Variants in HHIPL2 observed in about 807,000 individuals in gnomAD.
HHIPL2 encodes HHIP like 2.
In HHIPL2, 61 loss-of-function variants were observed where a neutral mutation model predicts 61.0. That is an observed-to-expected ratio of 1.00 (90% confidence interval 0.81 to 1.24). The LOEUF (loss-of-function observed/expected upper bound fraction) is 1.24, where lower values mean the gene tolerates loss of function less well. HHIPL2 is among the 50% of genes most tolerant of loss of function. HHIPL2 has a pLI of 0.00. For synonymous variants in HHIPL2, 343 were observed against 357.4 expected, an observed-to-expected ratio of 0.96 and a Z score of 0.45; for missense variants, 885 against 910.2, an observed-to-expected ratio of 0.97 and a Z score of 0.36.
intron 6 of HHIPL2, among the ~76,000 whole-genome samples, chr1:222,530,560 T>A (rs1278915937): frequency 1.3e-5 from 2 of 152,182 alleles, no homozygotes; most frequent in Non-Finnish European, 2.9e-5. Context: ...CATCTCAAAC[T>A]ATCTGTTCAT....
At chr1:222,525,724 C>T (rs1423357572) in intron 7 of HHIPL2, among the ~76,000 whole-genome samples, 3 of 152,174 alleles carry the variant, frequency 2.0e-5, no homozygotes, top group African/African-American at 7.2e-5. Flanking sequence ...GGGCAGGGTG[C>T]ATGGTGGCAC....
intron 2 of HHIPL2, 39 bp from the exon 3 acceptor site, chr1:222,542,194 A>G: frequency 6.2e-7 from 1 of 1,605,438 alleles, no homozygotes; most frequent in Non-Finnish European, 8.5e-7. Flanking sequence ...AGGATTTGAC[A>G]CAAGCTGAAG....
intron 5 of HHIPL2, among the ~76,000 whole-genome samples, chr1:222,535,409 A>T (rs1255516045): frequency 6.6e-6 from 1 of 152,224 alleles, no homozygotes; most frequent in African/African-American, 2.4e-5. Flanking sequence ...TAACATTCTT[A>T]TTGCCACTGT....
At position 222,532,072 on chromosome 1, in the gene HHIPL2, TTTC is replaced by T. The variant is rs1659203982; in HGVS notation, c.1614_1616del (p.Lys539del). ...CCAGGCAAAGATCCTGCTTCTTCCA[TTTC>T]TTGTTTTTTCTATCTTCCTGCAAAG... On this transcript the variant is annotated inframe_deletion, in exon 6 of 9. Transcript: ENST00000343410. 6.2e-7 allele frequency: 1 copy of T among 1,613,814 alleles called. No individual in the cohort carries two copies. The highest frequency in any genetic ancestry group is 1.3e-5 in the African/African-American group (1 of 74,932).
At position 222,532,402 on chromosome 1, in the gene HHIPL2, C is replaced by T. The variant is rs145670159; in HGVS notation, c.1578-291G>A. Among the ~76,000 whole-genome samples the T allele has an allele frequency of 6.5e-3, 997 of 152,246 alleles. 16 individuals are homozygous for T. Among genetic ancestry groups the T allele is most frequent in the African/African-American group, 0.023 (948 of 41,532 alleles). Reference sequence around the variant, plus strand: ...ACAAGGCAGGCAGATCACTTGAGGTCAGGAGTTCACGACCAGCCTGGCCAA... The same window carrying T: ...ACAAGGCAGGCAGATCACTTGAGGTTAGGAGTTCACGACCAGCCTGGCCAA... On this transcript the variant is annotated intron_variant, in intron 5 of 8. Coordinates refer to ENST00000343410, the MANE Select transcript of HHIPL2 (RefSeq NM_024746.4).
intron 5 of HHIPL2, among the ~76,000 whole-genome samples, chr1:222,537,017 T>C (rs934208351): frequency 8.5e-5 from 13 of 152,120 alleles, no homozygotes; most frequent in African/African-American, 3.1e-4. Context: ...CCAGCTTGCA[T>C]AACAGAGCAA....
intron 6 of HHIPL2, among the ~76,000 whole-genome samples, chr1:222,530,608 G>C (rs1409314939): frequency 1.3e-5 from 2 of 152,156 alleles, no homozygotes; most frequent in Admixed American, 1.3e-4. Context: ...AGCTGACTGG[G>C]TCTCTTTATA....
At chr1:222,533,403 A>C (rs925636104) in intron 5 of HHIPL2, among the ~76,000 whole-genome samples, 13 of 151,992 alleles carry the variant, frequency 8.6e-5, no homozygotes, top group African/African-American at 2.9e-4. Context: ...AAGGAAAAAG[A>C]ATCACTGCAT....
In HHIPL2 at chr1:222,522,318, G is replaced by A. The variant is rs113675679; in HGVS notation, c.*283C>T. On this transcript the variant is annotated 3_prime_UTR_variant, in exon 9 of 9. Transcript: ENST00000343410. ...GTTGTAGGCATTTACAAGACAAAAC[G>A]GAGACATCCAGTGTGATTCCAAGCA... 11 of 434,782 alleles carry A rather than the reference G, an allele frequency of 2.5e-5. No individual in the cohort carries two copies. The highest frequency in any genetic ancestry group is 9.8e-5 in the South Asian group (2 of 20,426). The allele number at this position is 434,782 out of a possible 1,614,324, so 26.9% of individuals were successfully genotyped here.
chr1:222,542,620 T>G (rs1022706111), intron 2 of HHIPL2, among the ~76,000 whole-genome samples: 1 of 144,464 alleles, frequency 6.9e-6, no homozygotes, highest in African/African-American at 2.6e-5. Flanking sequence ...AACTTCTGCC[T>G]CCCAGGTTCA....
intron 3 of HHIPL2, among the ~76,000 whole-genome samples, chr1:222,541,803 G>T (rs1002688392): frequency 1.3e-5 from 2 of 152,130 alleles, no homozygotes; most frequent in Non-Finnish European, 2.9e-5. Context: ...ATAACACTCT[G>T]ACAGTTGTAT....
At chr1:222,528,754 TG>T (rs1471989221) in intron 6 of HHIPL2, among the ~76,000 whole-genome samples, 1 of 152,162 alleles carries the variant, frequency 6.6e-6, no homozygotes, top group African/African-American at 2.4e-5. Flanking sequence ...TGAAAGAAAA[TG>T]TCTATTAAGT....
chr1:222,540,172 C>T lies in HHIPL2; in HGVS notation c.1288G>A (p.Asp430Asn), dbSNP rs375762701. The part of the protein sequence containing the change: ...NMWRCAVDRG[D>N]PITRQGRGRI... ...CCTCGGCCCTGGCGCGTGATGGGGTCCCCTCGGTCCACAGCACAACGCCAC... is the reference window on the plus strand; with the variant it reads ...CCTCGGCCCTGGCGCGTGATGGGGTTCCCTCGGTCCACAGCACAACGCCAC... The change falls in exon 4 of 9, where the codon GAC becomes AAC. Residue 430 changes from aspartate to asparagine, a missense_variant. By Grantham distance (23) the Asp-to-Asn change is conservative. Coordinates refer to ENST00000343410, the MANE Select transcript of HHIPL2 (RefSeq NM_024746.4). 26 of 1,614,084 alleles carry T rather than the reference C, an allele frequency of 1.6e-5. No homozygotes were observed. Among genetic ancestry groups the T allele is most frequent in the African/African-American group, 5.3e-5 (4 of 74,954 alleles).
chr1:222,543,860 C>T lies in HHIPL2; in HGVS notation c.651G>A (p.Arg217=). ...LCLSEVANGL[R]NPVSMVHAGD... is the part of the protein sequence containing the mutation. The stretch of plus-strand genomic sequence containing the variant: ...CAGCATGGACCATGGAGACGGGGTT[C>T]CTCAGCCCGTTGGCCACCTCGCTCA... The change falls in exon 2 of 9, where the codon AGG becomes AGA. Residue 217 remains arginine, a synonymous_variant. Transcript: ENST00000343410. The T allele has an allele frequency of 6.2e-7, 1 of 1,614,190 alleles. No individual in the cohort carries two copies. Among genetic ancestry groups the T allele is most frequent in the African/African-American group, 1.3e-5 (1 of 75,050 alleles).
At position 222,544,004 on chromosome 1, in the gene HHIPL2, G is replaced by A; in HGVS notation, c.507C>T (p.Cys169=). Residue 169 remains cysteine, a synonymous_variant, in exon 2 of 9, where the codon TGC becomes TGT. Coordinates refer to ENST00000343410, the MANE Select transcript of HHIPL2 (RefSeq NM_024746.4). ...ESHGRDGTRF[C]HLLDLPDKDY... ...CCTTGTCAGGAAGGTCCAGGAGGTG[G>A]CAGAAGCGGGTACCGTCCCTTCCAT... 2 of 1,614,128 alleles carry A rather than the reference G, an allele frequency of 1.2e-6. No individual in the cohort carries two copies. The highest frequency in any genetic ancestry group is 1.7e-6 in the Non-Finnish European group (2 of 1,180,022).
rs368747928 is a variant in HHIPL2 at position 222,540,288 on chromosome 1, T to G, written c.1172A>C (p.His391Pro). The G allele has an allele frequency of 6.2e-7, 1 of 1,614,196 alleles. No homozygotes were observed. Among genetic ancestry groups the G allele is most frequent in the Non-Finnish European group, 8.5e-7 (1 of 1,180,030 alleles). The stretch of plus-strand genomic sequence containing the variant: ...CGAGGGGACTCGGTACCGCTTGCCA[T>G]GTGAGCCTGCCCTGTTCACATCGAT... ...LRIDVNRAGS[H>P]GKRYRVPSDN... is the part of the protein sequence containing the mutation. Residue 391 changes from histidine (H) to proline (P), a missense_variant, in exon 4 of 9, where the codon CAT becomes CCT. His to Pro is a moderately conservative substitution (Grantham distance 77). Coordinates refer to ENST00000343410, the MANE Select transcript of HHIPL2 (RefSeq NM_024746.4).
chr1:222,534,493 C>A (rs964052991), intron 5 of HHIPL2, among the ~76,000 whole-genome samples: 1 of 151,372 alleles, frequency 6.6e-6, no homozygotes, highest in Non-Finnish European at 1.5e-5. Context: ...AGGAGAAGGG[C>A]GTGAACCCGG....
intron 6 of HHIPL2, among the ~76,000 whole-genome samples, chr1:222,528,585 T>C (rs190890443): frequency 4.6e-5 from 7 of 152,012 alleles, no homozygotes; most frequent in African/African-American, 1.7e-4. Flanking sequence ...CCCAGTGCAG[T>C]AGGCAACAGA....
chr1:222,544,125 A>G lies in HHIPL2; in HGVS notation c.386T>C (p.Leu129Pro). 1 of 1,613,878 alleles carries G rather than the reference A, an allele frequency of 6.2e-7. No individual in the cohort carries two copies. The part of the protein sequence containing the change: ...AENTQTPLRN[L>P]PGLCSDYCSA... ...GCAGTAATCAGAGCAGAGGCCCGGG[A>G]GATTCCGGAGAGGCGTCTGGGTGTT... The change falls in exon 2 of 9, where the codon CTC (leucine) becomes CCC (proline). Residue 129 changes from leucine to proline, a missense_variant. Physicochemically the swap from Leu to Pro is moderately conservative, Grantham distance 98 (BLOSUM62 -3). Coordinates refer to ENST00000343410, the MANE Select transcript of HHIPL2 (RefSeq NM_024746.4).
Sources: allele counts gnomAD v4.1 joint callset (sites outside exome capture counted in the v4.1 genomes callset), GRCh38; gene constraint gnomAD v4.1.1; transcripts MANE v1.5; gene names NCBI Gene and HGNC (gene_info 2026-07-23, HGNC 2026-07-21).